HS6ST2: variants seen among roughly 807,000 people sequenced by gnomAD.
HS6ST2 encodes the protein heparan-sulfate 6-O-sulfotransferase 2.
A neutral mutation model predicts 33.0 loss-of-function variants in HS6ST2; 17 were observed. That is an observed-to-expected ratio of 0.52 (90% CI 0.35 to 0.77). The LOEUF is 0.77. Among genes scored for constraint, HS6ST2 ranks in the 30% least tolerant of loss-of-function variants. The probability of loss-of-function intolerance (pLI) is 0.01; values close to 1 mark genes in which losing one functional copy is unlikely to be tolerated. For missense variants in HS6ST2, 519 were observed against 551.7 expected, an observed-to-expected ratio of 0.94 and a Z score of 0.59; for synonymous variants, 248 against 237.1, an observed-to-expected ratio of 1.05 and a Z score of -0.42.
Position 132,958,515 on chromosome X carries a change from G to A in HS6ST2, c.88C>T (p.Arg30Trp). 8.4e-7 allele frequency: 1 copy of A among 1,187,626 alleles called. No individual in the cohort carries two copies. ...AATTCGGCCTCTACTCTGGAATGCC[G>A]GCGGGGACAGGTGGTGCGGACGGGC... ...GAPVRTTCPR[R>W]HSRVEAELAA... Residue 30 changes from arginine (R) to tryptophan (W), a missense_variant, in exon 1 of 5, where the codon CGG becomes TGG. Coordinates refer to ENST00000370833, the MANE Select transcript of HS6ST2 (RefSeq NM_001394073.1).
intron 2 of HS6ST2, among the ~76,000 whole-genome samples, chrX:132,713,976 T>C (rs2064253074): frequency 8.9e-6 from 1 of 111,928 alleles, no homozygotes; most frequent in African/African-American, 3.3e-5. Flanking sequence ...ACAGGACATA[T>C]TTTTGATAGG....
At chrX:132,770,933 A>G (rs1431461158) in intron 2 of HS6ST2, among the ~76,000 whole-genome samples, 1 of 111,962 alleles carries the variant, frequency 8.9e-6, no homozygotes, top group African/African-American at 3.2e-5. Context: ...ATAAGGAAAT[A>G]GTAAATTCTA....
chrX:132,742,269 C>T (rs764315847), intron 2 of HS6ST2, among the ~76,000 whole-genome samples: 7 of 111,602 alleles, frequency 6.3e-5, no homozygotes, highest in Admixed American at 1.9e-4. Context: ...GACGTTTGCA[C>T]TTGGATTCAG....
chrX:132,777,598 ATTTTTTT>A (rs34555257), intron 2 of HS6ST2, among the ~76,000 whole-genome samples: 16 of 80,060 alleles, frequency 2.0e-4, no homozygotes, highest in Admixed American at 6.1e-4. Context: ...CACCCGGCTA[ATTTTTTT>A]TTTTTTTTTT....
chrX:132,955,405 G>GC (rs2067057857), intron 2 of HS6ST2, among the ~76,000 whole-genome samples: 2 of 112,283 alleles, frequency 1.8e-5, no homozygotes, highest in African/African-American at 6.5e-5. Context: ...GAAGAGGAGA[G>GC]CCAGGGGGTG....
intron 4 of HS6ST2, among the ~76,000 whole-genome samples, chrX:132,641,840 G>C (rs188696743): frequency 7.1e-5 from 8 of 112,741 alleles, no homozygotes; most frequent in Non-Finnish European, 9.4e-5. Flanking sequence ...GGACATTTGA[G>C]TAGGAGGCAG....
At chrX:132,683,649 A>C (rs773905685) in intron 3 of HS6ST2, among the ~76,000 whole-genome samples, 2 of 111,227 alleles carry the variant, frequency 1.8e-5, no homozygotes. Flanking sequence ...CCCCATCCCC[A>C]CTTGTTCTGA....
intron 2 of HS6ST2, among the ~76,000 whole-genome samples, chrX:132,748,608 A>G (rs1378490655): frequency 9.0e-6 from 1 of 111,001 alleles, no homozygotes; most frequent in East Asian, 2.9e-4. Context: ...CTACAGCCAG[A>G]TGCTCTTTTT....
chrX:132,719,233 C>A (rs1210687623), intron 2 of HS6ST2, among the ~76,000 whole-genome samples: 1 of 111,980 alleles, frequency 8.9e-6, no homozygotes, highest in Non-Finnish European at 1.9e-5. Flanking sequence ...AGCCCAAACT[C>A]TGCATTTTAT....
At chrX:132,831,570 C>T (rs1569495364) in intron 2 of HS6ST2, among the ~76,000 whole-genome samples, 1 of 111,645 alleles carries the variant, frequency 9.0e-6, no homozygotes, top group Admixed American at 9.6e-5. Context: ...CCTCTCAGTT[C>T]TCAGAACCGA....
intron 2 of HS6ST2, among the ~76,000 whole-genome samples, chrX:132,955,577 G>C (rs1478649636): frequency 8.9e-6 from 1 of 112,067 alleles, no homozygotes; most frequent in African/African-American, 3.2e-5. Context: ...GGATGGGGAT[G>C]GGACACAGAC....
At chrX:132,671,446 CTTTT>C (rs138709239) in intron 3 of HS6ST2, among the ~76,000 whole-genome samples, 4 of 91,254 alleles carry the variant, frequency 4.4e-5, no homozygotes, top group African/African-American at 4.0e-5. Flanking sequence ...CATTCATTCA[CTTTT>C]TTTTTTTTTT....
intron 2 of HS6ST2, among the ~76,000 whole-genome samples, chrX:132,951,117 C>T (rs761899036): frequency 9.0e-6 from 1 of 111,533 alleles, no homozygotes; most frequent in East Asian, 2.8e-4. Flanking sequence ...CCTTCTCAAC[C>T]TCTCTGTTTT....
At chrX:132,934,077 T>C (rs1051832125) in intron 2 of HS6ST2, among the ~76,000 whole-genome samples, 3 of 69,196 alleles carry the variant, frequency 4.3e-5, no homozygotes, top group Admixed American at 1.2e-4. Flanking sequence ...AATAAAATAA[T>C]AATGTAATAA....
At chrX:132,741,958 C>A (rs989899442) in intron 2 of HS6ST2, among the ~76,000 whole-genome samples, 2 of 112,015 alleles carry the variant, frequency 1.8e-5, no homozygotes, top group Non-Finnish European at 3.8e-5. Flanking sequence ...AGAAAATGTA[C>A]ACAAAGCATA....
chrX:132,916,783 G>A (rs2066597953), intron 2 of HS6ST2, among the ~76,000 whole-genome samples: 1 of 111,903 alleles, frequency 8.9e-6, no homozygotes, highest in African/African-American at 3.2e-5. Flanking sequence ...ATTGAAGGTT[G>A]TACTGTCTGC....
chrX:132,853,207 G>A (rs969579547), intron 2 of HS6ST2, among the ~76,000 whole-genome samples: 3 of 111,741 alleles, frequency 2.7e-5, no homozygotes, highest in African/African-American at 9.8e-5. Flanking sequence ...AGACTGGAGT[G>A]CAGTGATGCA....
At chrX:132,915,299 C>T (rs2066574195) in intron 2 of HS6ST2, among the ~76,000 whole-genome samples, 1 of 112,555 alleles carries the variant, frequency 8.9e-6, no homozygotes. Context: ...GTTGAAATCA[C>T]CCAATGACAC....
intron 4 of HS6ST2, among the ~76,000 whole-genome samples, chrX:132,635,564 A>G (rs1267882433): frequency 9.0e-6 from 1 of 111,399 alleles, no homozygotes. Context: ...CCTCTATACA[A>G]GTCTTTCTCA....
Sources: gnomAD v4.1 joint callset for allele counts (sites outside exome capture counted in the v4.1 genomes callset) on GRCh38, gnomAD v4.1.1 for gene constraint, MANE v1.5 for transcripts, NCBI Gene and HGNC (gene_info 2026-07-23, HGNC 2026-07-21) for gene names.